The following ARFGEF1 variants were observed in gnomAD, a reference collection of about 807,000 sequenced individuals.
The protein encoded by ARFGEF1 is ARF guanine nucleotide exchange factor 1.
Under a neutral mutation model 231.0 loss-of-function variants are expected in ARFGEF1, and 42 were observed. That is an observed-to-expected ratio of 0.18 (90% CI 0.14 to 0.24). The LOEUF is 0.24. Ranked by LOEUF, ARFGEF1 falls within the 10% of genes least tolerant of loss-of-function variation. The probability of loss-of-function intolerance (pLI) is 1.00; values close to 1 mark genes in which losing one functional copy is unlikely to be tolerated. For synonymous variants in ARFGEF1, 710 were observed against 732.3 expected (o/e 0.97, Z 0.49); for missense variants, 1,345 against 2,192.0 (o/e 0.61, Z 7.72).
intron 4 of ARFGEF1, among the ~76,000 whole-genome samples, chr8:67,297,024 G>C (rs192033444): frequency 1.2e-4 from 18 of 152,224 alleles, no homozygotes; most frequent in African/African-American, 4.1e-4. Flanking sequence ...AAAACTTTCA[G>C]AAACAATTAC....
chr8:67,195,125 T>C (rs963463791), downstream of ARFGEF1, among the ~76,000 whole-genome samples: 12 of 152,216 alleles, frequency 7.9e-5, no homozygotes, highest in Non-Finnish European at 2.9e-5. Flanking sequence ...ATCCCTCTGG[T>C]TGCTAGTGCC....
intron 1 of ARFGEF1, among the ~76,000 whole-genome samples, chr8:67,307,773 G>A (rs1271150354): frequency 1.3e-5 from 2 of 152,162 alleles, no homozygotes; most frequent in Non-Finnish European, 2.9e-5. Context: ...GCCATACCAC[G>A]TGTTCTTCTA....
intron 17 of ARFGEF1, among the ~76,000 whole-genome samples, chr8:67,255,005 T>C (rs1404721266): frequency 2.6e-5 from 4 of 151,832 alleles, no homozygotes; most frequent in African/African-American, 9.7e-5. Context: ...CTGCTGCCAA[T>C]AAGAAGTAAA....
chr8:67,334,323 T>A (rs1410777745), intron 1 of ARFGEF1, among the ~76,000 whole-genome samples: 1 of 149,542 alleles, frequency 6.7e-6, no homozygotes, highest in Non-Finnish European at 1.5e-5. Flanking sequence ...ACATTTCTGA[T>A]CCCAAGCATT....
In ARFGEF1 at chr8:67,343,392, A is replaced by G. The variant is rs1808753295; in HGVS notation, c.-105T>C. Reference sequence around the variant, plus strand: ...AGAAGAGAGAAAGGAGAGGGGGTGGAGGTGGGGGATTGGAGGCGTGGAGGG... The same window carrying G: ...AGAAGAGAGAAAGGAGAGGGGGTGGGGGTGGGGGATTGGAGGCGTGGAGGG... On this transcript the variant is annotated 5_prime_UTR_variant, in exon 1 of 39. Transcript: ENST00000262215. 5 of 936,240 alleles carry G rather than the reference A, an allele frequency of 5.3e-6. No homozygotes were observed. The highest frequency in any genetic ancestry group is 3.7e-5 in the South Asian group (2 of 54,274). 58.0% of individuals were successfully genotyped at this position (936,240 alleles called of 1,614,324 possible). A position where few individuals can be genotyped will look rare whatever the true frequency, so the allele number is the denominator to read the frequency against.
chr8:67,257,672 T>C (rs1289844877), intron 17 of ARFGEF1, 60 bp downstream of exon 17: 5 of 1,288,050 alleles, frequency 3.9e-6, no homozygotes, highest in Non-Finnish European at 5.5e-6. Flanking sequence ...CTTACTGAAT[T>C]CAGAATAATG....
At position 67,301,404 on chromosome 8, in the gene ARFGEF1, T is replaced by A. The variant is rs766531307; in HGVS notation, c.156-24A>T. The A allele has an allele frequency of 1.1e-5, 17 of 1,592,352 alleles. No individual in the cohort carries two copies. In the South Asian group the frequency reaches 1.7e-4, roughly 16 times the overall value. ...GACTAAATGAGAAAGAAAAGTCTGATTATAGCGTATCACATTTATAATATT... is the reference window on the plus strand; with the variant it reads ...GACTAAATGAGAAAGAAAAGTCTGAATATAGCGTATCACATTTATAATATT... On this transcript the variant is annotated intron_variant, in intron 2 of 38. Transcript: ENST00000262215.
rs1185369802 is a variant in ARFGEF1, at chr8:67,310,598, G to T, written c.125-8132C>A. ...AGGAGCCCCTCTGCCTGGCTGCCCA[G>T]TCTGGAAAGTGAGGAGCGCCTCTTC... On this transcript the variant is annotated intron_variant, in intron 1 of 38. Coordinates refer to ENST00000262215, the MANE Select transcript of ARFGEF1 (RefSeq NM_006421.5). 3.4e-5 allele frequency among the ~76,000 whole-genome samples: 5 copies of T among 148,510 alleles called. No individual in the cohort carries two copies. The East Asian group carries it at 1.0e-3, about 30-fold the overall frequency.
intron 1 of ARFGEF1, among the ~76,000 whole-genome samples, chr8:67,308,717 C>G (rs1806858112): frequency 1.3e-5 from 2 of 152,092 alleles, no homozygotes; most frequent in Admixed American, 1.3e-4. Flanking sequence ...AGATTATTTG[C>G]TTACCTTTGA....
At chr8:67,296,652 T>C (rs1670888431) in intron 4 of ARFGEF1, 42 bp from the exon 5 acceptor site, 1 of 1,494,964 alleles carries the variant, frequency 6.7e-7, no homozygotes, top group African/African-American at 1.4e-5. Context: ...GATTTTCTTT[T>C]TCTTTTTTTT....
Position 67,225,047 on chromosome 8 carries a change from G to C in ARFGEF1, c.4078-14C>G. ...TTCCTTGAAAGCCTTCAAGAAAAAAGGTAGGGTTATTAAAGGCAAAACATA... is the reference window on the plus strand; with the variant it reads ...TTCCTTGAAAGCCTTCAAGAAAAAACGTAGGGTTATTAAAGGCAAAACATA... On this transcript the variant is annotated splice_polypyrimidine_tract_variant and intron_variant, in intron 28 of 38. Coordinates refer to ENST00000262215, the MANE Select transcript of ARFGEF1 (RefSeq NM_006421.5). 1 of 1,576,816 alleles carries C rather than the reference G, an allele frequency of 6.3e-7. No individual in the cohort carries two copies. Among genetic ancestry groups the C allele is most frequent in the East Asian group, 2.3e-5 (1 of 43,922 alleles).
At chr8:67,231,861 G>C (rs547749053) in intron 23 of ARFGEF1, among the ~76,000 whole-genome samples, 6 of 152,010 alleles carry the variant, frequency 3.9e-5, no homozygotes, top group African/African-American at 1.4e-4. Context: ...AAAGCGTTTT[G>C]CAAGTGCCTC....
intron 1 of ARFGEF1, among the ~76,000 whole-genome samples, chr8:67,310,899 G>A (rs925157743): frequency 3.3e-5 from 5 of 151,570 alleles, no homozygotes; most frequent in African/African-American, 4.8e-5. Context: ...CTCTCCACCC[G>A]GCAGCCACCC....
intron 14 of ARFGEF1, among the ~76,000 whole-genome samples, chr8:67,263,050 C>T (rs80318045): frequency 0.011 from 1,664 of 152,298 alleles, 31 homozygotes; most frequent in African/African-American, 0.038. Flanking sequence ...TTAGACCACA[C>T]AAAACCTTTC....
chr8:67,274,625 T>C (rs1260915601), intron 9 of ARFGEF1, among the ~76,000 whole-genome samples: 2 of 152,140 alleles, frequency 1.3e-5, no homozygotes, highest in African/African-American at 4.8e-5. Context: ...TATTTTCCTT[T>C]GTGTCCTTTT....
chr8:67,193,453 T>TCTAA (rs781266030), downstream of ARFGEF1: 10 of 1,607,554 alleles, frequency 6.2e-6, no homozygotes, highest in South Asian at 4.4e-5. Flanking sequence ...AGTTCTGTTT[T>TCTAA]CTAACTACAG....
rs34907123 is a variant in ARFGEF1 at position 67,192,066 on chromosome 8, GT to G, written c.560+8329del. ...GTCTATTCAAATCCTTTGCTGATTTGTTTTTTTTTTTGTTTTTTTTTTTTGA... is the reference window on the plus strand; with the variant it reads ...GTCTATTCAAATCCTTTGCTGATTTGTTTTTTTTTTGTTTTTTTTTTTTGA... On this transcript the variant is annotated intron_variant, in intron 5 of 5. Transcript: ENST00000518789. Among the ~76,000 whole-genome samples, 175 of 129,820 alleles carry G rather than the reference GT, an allele frequency of 1.3e-3. 1 individual carries two copies. The highest frequency in any genetic ancestry group is 2.8e-3 in the East Asian group (12 of 4,322). 85.2% of individuals were successfully genotyped at this position (129,820 alleles called of 152,430 possible). A position where few individuals can be genotyped will look rare whatever the true frequency, so the allele number is the denominator to read the frequency against.
At chr8:67,183,790 C>T (rs1227478643) in intron 5 of ARFGEF1, among the ~76,000 whole-genome samples, 1 of 149,928 alleles carries the variant, frequency 6.7e-6, no homozygotes, top group Non-Finnish European at 1.5e-5. Flanking sequence ...AAAACCAAAG[C>T]CACAATTTAT....
At chr8:67,320,223 CAAAAAAAAAA>C (rs544834392) in intron 1 of ARFGEF1, among the ~76,000 whole-genome samples, 6 of 45,262 alleles carry the variant, frequency 1.3e-4, no homozygotes, top group East Asian at 1.3e-3. Context: ...AACGCTATCT[CAAAAAAAAAA>C]AAAAAAAAAA....
Sources: allele counts gnomAD v4.1 joint callset (sites outside exome capture counted in the v4.1 genomes callset), GRCh38; gene constraint gnomAD v4.1.1; transcripts MANE v1.5; gene names NCBI Gene and HGNC (gene_info 2026-07-23, HGNC 2026-07-21).